TDRKH: variants seen among roughly 807,000 people sequenced by gnomAD.
The protein encoded by TDRKH is tudor and KH domain-containing protein.
TDRKH carries 28 observed loss-of-function variants against 61.3 expected under a neutral mutation model. That is an observed-to-expected ratio of 0.46 (90% confidence interval 0.34 to 0.63). The LOEUF is 0.63. TDRKH is among the 20% of genes least tolerant of loss of function. The probability of loss-of-function intolerance (pLI) is 0.01; values close to 1 mark genes in which losing one functional copy is unlikely to be tolerated. For missense variants in TDRKH, 540 were observed against 683.4 expected (o/e 0.79, Z 2.34); for synonymous variants, 219 against 244.4 (o/e 0.90, Z 0.97).
chr1:151,770,290 G>T, downstream of TDRKH: 1 of 1,600,260 alleles, frequency 6.2e-7, no homozygotes, highest in South Asian at 1.1e-5. Context: ...TGCTTTTCGC[G>T]CTGAGGCAGC....
chr1:151,786,504 T>C (rs1191157443), intron 1 of TDRKH, among the ~76,000 whole-genome samples: 1 of 152,210 alleles, frequency 6.6e-6, no homozygotes, highest in Non-Finnish European at 1.5e-5. Flanking sequence ...AACTTCCCAT[T>C]TAATCTTTTT....
At chr1:151,780,168 C>T (rs781324197) in intron 3 of TDRKH, 28 bp from the exon 4 acceptor site, 1 of 1,599,118 alleles carries the variant, frequency 6.3e-7, no homozygotes, top group Non-Finnish European at 8.6e-7. Flanking sequence ...TTTGGCAGTA[C>T]ATTCTGGAAG....
intron 1 of TDRKH, among the ~76,000 whole-genome samples, chr1:151,786,182 G>C (rs921203510): frequency 6.6e-6 from 1 of 152,132 alleles, no homozygotes; most frequent in Non-Finnish European, 1.5e-5. Context: ...AGAACATCTA[G>C]CACCGAAATC....
At chr1:151,778,497 G>T in intron 6 of TDRKH, 188 bp downstream of exon 6, 4 of 1,543,754 alleles carry the variant, frequency 2.6e-6, no homozygotes, top group Non-Finnish European at 2.7e-6. Context: ...CCCTCAAACT[G>T]TCCAGCAACT....
At chr1:151,774,987 T>C (rs930356667) in intron 11 of TDRKH, 78 bp downstream of exon 11, 3 of 1,466,506 alleles carry the variant, frequency 2.0e-6, no homozygotes, top group Admixed American at 3.6e-5. Flanking sequence ...GCTAACACAG[T>C]ATCAGGACTA....
chr1:151,779,799 G>A (rs1649569123), intron 4 of TDRKH, 152 bp downstream of exon 4: 1 of 733,976 alleles, frequency 1.4e-6, no homozygotes, highest in Non-Finnish European at 2.1e-6. Context: ...TTTACCACCA[G>A]TTCTACAAAC....
chr1:151,766,490 A>G (rs566068974), downstream of TDRKH: 62 of 523,742 alleles, frequency 1.2e-4, no homozygotes, highest in African/African-American at 8.4e-4. Flanking sequence ...GAAGTCTTCA[A>G]GTTCTATTTT....
At chr1:151,782,450 G>GA (rs397819179) in intron 2 of TDRKH, among the ~76,000 whole-genome samples, 47,357 of 147,540 alleles carry the variant, frequency 0.32, 7,787 homozygotes, top group Middle Eastern at 0.45. Flanking sequence ...CTGTCTCAAA[G>GA]AAAAAAAAAA....
intron 6 of TDRKH, among the ~76,000 whole-genome samples, chr1:151,778,178 T>C (rs1558142127): frequency 6.6e-6 from 1 of 152,136 alleles, no homozygotes; most frequent in Non-Finnish European, 1.5e-5. Context: ...ATGCATACAG[T>C]GAAGGCAGGA....
In TDRKH at chr1:151,782,472, T is replaced by G. The variant is rs575534659; in HGVS notation, c.124+427A>C. On this transcript the variant is annotated intron_variant, in intron 2 of 12. Transcript: ENST00000368824. ...AAAGAAAAAAAAAAGACTAAATAAT[T>G]TTAGTCAAAGATTCCTCACAGAAAG... is the stretch of plus-strand genomic sequence containing the variant. Among the ~76,000 whole-genome samples, 5 of 151,168 alleles carry G rather than the reference T, an allele frequency of 3.3e-5. No homozygotes were observed. The East Asian group carries it at 9.8e-4, about 30-fold the overall frequency.
At chr1:151,770,157 T>C (rs761167277), downstream of TDRKH, 4 of 1,613,456 alleles carry the variant, frequency 2.5e-6, no homozygotes, top group Non-Finnish European at 3.4e-6. Flanking sequence ...TTAACTGTTT[T>C]TCTGTGGCTC....
In TDRKH at chr1:151,780,118, C is replaced by G; in HGVS notation, c.254G>C (p.Arg85Pro). 6.2e-7 allele frequency: 1 copy of G among 1,612,232 alleles called. No homozygotes were observed. The highest frequency in any genetic ancestry group is 8.5e-7 in the Non-Finnish European group (1 of 1,178,438). ...IKQLRKQTGA[R>P]IDVDTEDVGD... ...TACATCCTCTGTGTCCACATCAATC[C>G]GAGCACCTGTCTGTTTCCGCAGCTG... Residue 85 changes from arginine (R) to proline (P), a missense_variant, in exon 4 of 13, where the codon CGG (arginine) becomes CCG (proline). Physicochemically the swap from Arg to Pro is moderately radical, Grantham distance 103 (BLOSUM62 -2). This residue lies in a region of TDRKH where 156 missense variants were observed against 218.0 expected (regional missense o/e 0.72). Transcript: ENST00000368824.
intron 3 of TDRKH, 38 bp from the exon 4 acceptor site, chr1:151,780,178 G>A (rs748232458): frequency 1.3e-6 from 2 of 1,593,106 alleles, no homozygotes. Flanking sequence ...CATTCTGGAA[G>A]AGCTCCCATT....
At chr1:151,771,113 A>AG, downstream of TDRKH, 2 of 1,609,534 alleles carry the variant, frequency 1.2e-6, no homozygotes, top group Non-Finnish European at 1.7e-6. Context: ...ATGGGCTTTG[A>AG]GGTGGTCAGA....
At chr1:151,781,714 A>G (rs1041130928) in intron 2 of TDRKH, 127 bp from the exon 3 acceptor site, 4 of 769,344 alleles carry the variant, frequency 5.2e-6, no homozygotes, top group African/African-American at 3.5e-5. Context: ...GATCTCAACC[A>G]TAACAACAAG....
chr1:151,787,896 G>A (rs1201770827), intron 1 of TDRKH, among the ~76,000 whole-genome samples: 2 of 152,000 alleles, frequency 1.3e-5, no homozygotes, highest in African/African-American at 4.8e-5. Flanking sequence ...GGCCGAGGTG[G>A]GAGATGGCTT....
chr1:151,775,325 A>C, intron 10 of TDRKH, 67 bp downstream of exon 10: 2 of 1,567,052 alleles, frequency 1.3e-6, no homozygotes, highest in Non-Finnish European at 1.7e-6. Context: ...TTTCTGAGGA[A>C]GAAAAAGTAA....
At position 151,781,581 on chromosome 1, in the gene TDRKH, C is replaced by T. The variant is rs1412724674; in HGVS notation, c.131G>A (p.Arg44Gln). ...YRRYRESREE[R>Q]LTFVGEDDIE... ...GTCATCTTCCCCAACAAATGTCAGC[C>T]GCTCTTCTGCACAGATCATTGTTCA... The change falls in exon 3 of 13, where the codon CGG (arginine) becomes CAG (glutamine). Residue 44 changes from arginine to glutamine, a missense_variant. Physicochemically the swap from Arg to Gln is conservative, Grantham distance 43. Coordinates refer to ENST00000368824, the MANE Select transcript of TDRKH (RefSeq NM_001083965.2). 1.2e-5 allele frequency: 20 copies of T among 1,613,112 alleles called. No individual in the cohort carries two copies. The highest frequency in any genetic ancestry group is 4.5e-5 in the East Asian group (2 of 44,852).
rs181171592 is a variant in TDRKH at position 151,782,667 on chromosome 1, G to A, written c.124+232C>T. 2.5e-3 allele frequency: 686 copies of A among 274,226 alleles called. 3 individuals are homozygous for A. Among genetic ancestry groups the A allele is most frequent in the African/African-American group, 0.013 (590 of 44,250 alleles). 17.0% of individuals were successfully genotyped at this position (274,226 alleles called of 1,614,324 possible). On this transcript the variant is annotated intron_variant, in intron 2 of 12. Coordinates refer to ENST00000368824, the MANE Select transcript of TDRKH (RefSeq NM_001083965.2). ...AGGCCTGTGGTCCCAGCTACTTGGAGGCTGAGGTGGGAGGATTGCTTGAGC... is the reference window on the plus strand; with the variant it reads ...AGGCCTGTGGTCCCAGCTACTTGGAAGCTGAGGTGGGAGGATTGCTTGAGC...
Sources: allele counts gnomAD v4.1 joint callset (sites outside exome capture counted in the v4.1 genomes callset), GRCh38; gene constraint gnomAD v4.1.1; regional missense constraint gnomAD v4.1.1; transcripts MANE v1.5; gene names NCBI Gene and HGNC (gene_info 2026-07-23, HGNC 2026-07-21).